Variants in ARAP3 observed in about 807,000 individuals in gnomAD.
ARAP3 encodes the protein ArfGAP with RhoGAP domain, ankyrin repeat and PH domain 3, also known as arf-GAP with Rho-GAP domain, ANK repeat and PH domain-containing protein 3.
Under a neutral mutation model 169.2 loss-of-function variants are expected in ARAP3, and 82 were observed. The ratio of observed to expected loss-of-function variants is 0.48; its 90% CI spans 0.41 to 0.58. The LOEUF is 0.58. ARAP3 is among the 20% of genes least tolerant of loss of function. ARAP3 has a pLI of 0.00. For missense variants in ARAP3, 1,764 were observed against 2,018.0 expected, an observed-to-expected ratio of 0.87 and a Z score of 2.41; for synonymous variants, 791 against 800.3, an observed-to-expected ratio of 0.99 and a Z score of 0.20.
At position 141,659,899 on chromosome 5, in the gene ARAP3, C is replaced by T. The variant is rs1032629065; in HGVS notation, c.3147G>A (p.Gln1049=). 4 of 1,577,294 alleles carry T rather than the reference C, an allele frequency of 2.5e-6. No individual in the cohort carries two copies. Among genetic ancestry groups the T allele is most frequent in the Non-Finnish European group, 2.6e-6 (3 of 1,161,060 alleles). ...GCAGAGCCAAGTTCCGCGTGCACAT[C>T]TGGTTTAGAGCCGCACATTTCTGCA... ...YRVQKCAALN[Q]MCTRNLALLF... Residue 1049 remains glutamine (Q), a synonymous_variant, in exon 22 of 33, where the codon CAG becomes CAA. Coordinates refer to ENST00000239440, the MANE Select transcript of ARAP3 (RefSeq NM_022481.6).
rs1312421306 is a variant in ARAP3 at position 141,673,117 on chromosome 5, C to G, written c.989G>C (p.Gly330Ala). 3.1e-6 allele frequency: 5 copies of G among 1,614,076 alleles called. No homozygotes were observed. The highest frequency in any genetic ancestry group is 1.7e-5 in the Admixed American group (1 of 60,002). Reference protein sequence around the residue: ...FGSDKDPFPKGVIPLTAIEMT... With the variant: ...FGSDKDPFPKAVIPLTAIEMT... ...CTCAATGGCAGTCAAAGGTATCACA[C>G]CCTTAGGGAAGGGGTCCTGGAGAGA... The change falls in exon 7 of 33, where the codon GGT becomes GCT. Residue 330 changes from glycine to alanine, a missense_variant. By Grantham distance (60) the Gly-to-Ala change is moderately conservative (BLOSUM62 0). Transcript: ENST00000239440.
intron 1 of ARAP3, among the ~76,000 whole-genome samples, chr5:141,681,041 T>A (rs1035269788): frequency 3.3e-5 from 5 of 152,150 alleles, no homozygotes; most frequent in Non-Finnish European, 4.4e-5. Flanking sequence ...TAATCCTGGT[T>A]GTTCCCAGTC....
chr5:141,656,948 G>T, intron 25 of ARAP3, 102 bp from the exon 26 acceptor site: 1 of 1,445,420 alleles, frequency 6.9e-7, no homozygotes. Flanking sequence ...TCCAACCACA[G>T]ACATTTATTT....
Position 141,679,638 on chromosome 5 carries a change from C to A in ARAP3, c.605G>T (p.Gly202Val). ...TTGTVHIMDP[G>V]CLYYGVQPVG... ...AGGTTGGACACCATAGTACAGGCAA[C>A]CAGGATCCATGATGTGCACTGGCAG... is the stretch of plus-strand genomic sequence containing the variant. The change falls in exon 4 of 33, where the codon GGT (glycine) becomes GTT (valine). Residue 202 changes from glycine (G) to valine (V), a missense_variant. Transcript: ENST00000239440. 1 of 1,614,084 alleles carries A rather than the reference C, an allele frequency of 6.2e-7. No individual in the cohort carries two copies. Among genetic ancestry groups the A allele is most frequent in the Non-Finnish European group, 8.5e-7 (1 of 1,180,024 alleles).
At chr5:141,655,225 T>TACACAC (rs148481472) in intron 32 of ARAP3, 137 bp downstream of exon 32, 45,554 of 488,072 alleles carry the variant, frequency 0.093, 2,193 homozygotes, top group African/African-American at 0.18. Context: ...CCTGATGGCC[T>TACACAC]ACACACACAC....
At chr5:141,668,483 T>G (rs1367727233) in intron 16 of ARAP3, among the ~76,000 whole-genome samples, 1 of 152,240 alleles carries the variant, frequency 6.6e-6, no homozygotes, top group Non-Finnish European at 1.5e-5. Context: ...TCAAGTTCTG[T>G]GCTTATCCTG....
rs376189862 is a variant in ARAP3 at position 141,680,631 on chromosome 5, C to T, written c.-17-128G>A. On this transcript the variant is annotated intron_variant, in intron 1 of 32. Coordinates refer to ENST00000239440, the MANE Select transcript of ARAP3 (RefSeq NM_022481.6). Reference sequence around the variant, plus strand: ...CCAAAGAAAGATGCTGAAAGGCCTGCGATCTGGAAGCAGAGCCATCCCAGA... The same window carrying T: ...CCAAAGAAAGATGCTGAAAGGCCTGTGATCTGGAAGCAGAGCCATCCCAGA... 49 of 1,373,664 alleles carry T rather than the reference C, an allele frequency of 3.6e-5. 1 individual carries two copies. Among genetic ancestry groups the T allele is most frequent in the East Asian group, 2.3e-4 (9 of 39,328 alleles). The allele number at this position is 1,373,664 out of a possible 1,614,324, so 85.1% of individuals were successfully genotyped here. A position where few individuals can be genotyped will look rare whatever the true frequency, so the allele number is the denominator to read the frequency against.
rs775915924 is a variant in ARAP3 at position 141,666,484 on chromosome 5, G to A, written c.2512C>T (p.Pro838Ser). Residue 838 changes from proline (P) to serine (S), a missense_variant, in exon 17 of 33, where the codon CCG (proline) becomes TCG (serine). Coordinates refer to ENST00000239440, the MANE Select transcript of ARAP3 (RefSeq NM_022481.6). Reference protein sequence around the residue: ...RGDHLFLCSAPGPGPPAPEDM... With the variant: ...RGDHLFLCSASGPGPPAPEDM... ...TCAGGGGCTGGGGGGCCTGGGCCCG[G>A]CGCTGAGCACAGGAAGAGGTGGTCA... 6.2e-7 allele frequency: 1 copy of A among 1,602,008 alleles called. No individual in the cohort carries two copies. The highest frequency in any genetic ancestry group is 1.1e-5 in the South Asian group (1 of 88,990).
rs1278547513 is a variant in ARAP3 at position 141,679,617 on chromosome 5, T to G, written c.626A>C (p.Gln209Pro). ...MDPGCLYYGV[Q>P]PVGTPGAPDR... is the part of the protein sequence containing the mutation. ...GGGGGCTCCTGGAGTCCCCACAGGT[T>G]GGACACCATAGTACAGGCAACCAGG... Residue 209 changes from glutamine (Q) to proline (P), a missense_variant, in exon 4 of 33, where the codon CAA becomes CCA. Physicochemically the swap from Gln to Pro is moderately conservative, Grantham distance 76. Coordinates refer to ENST00000239440, the MANE Select transcript of ARAP3 (RefSeq NM_022481.6). 1 of 1,614,014 alleles carries G rather than the reference T, an allele frequency of 6.2e-7. No homozygotes were observed. Among genetic ancestry groups the G allele is most frequent in the Non-Finnish European group, 8.5e-7 (1 of 1,180,022 alleles).
intron 4 of ARAP3, 86 bp downstream of exon 4, chr5:141,679,459 A>G: frequency 7.5e-7 from 1 of 1,324,846 alleles, no homozygotes; most frequent in South Asian, 1.3e-5. Context: ...GTGAATACTC[A>G]ATGCACATTT....
chr5:141,664,543 C>T (rs924524081), intron 19 of ARAP3, among the ~76,000 whole-genome samples: 1 of 152,212 alleles, frequency 6.6e-6, no homozygotes, highest in Non-Finnish European at 1.5e-5. Flanking sequence ...CTCGCAGCTG[C>T]TCGCTGTTTG....
At chr5:141,665,278 G>T in intron 18 of ARAP3, 33 bp downstream of exon 18, 1 of 1,611,864 alleles carries the variant, frequency 6.2e-7, no homozygotes, top group Non-Finnish European at 8.5e-7. Flanking sequence ...CTCCAGGAAG[G>T]GGAGCCCCAG....
intron 16 of ARAP3, among the ~76,000 whole-genome samples, chr5:141,669,011 G>A (rs1308851004): frequency 1.3e-5 from 2 of 152,172 alleles, no homozygotes; most frequent in East Asian, 3.8e-4. Flanking sequence ...AGAGACTGTC[G>A]TCATCATCGT....
intron 2 of ARAP3, 56 bp downstream of exon 2, chr5:141,679,907 A>G (rs2099912747): frequency 1.2e-6 from 2 of 1,611,988 alleles, no homozygotes; most frequent in Non-Finnish European, 1.7e-6. Flanking sequence ...CGTCCCCCTC[A>G]TGCTCTCCTC....
At position 141,672,776 on chromosome 5, in the gene ARAP3, T is replaced by C. The variant is rs2099911620; in HGVS notation, c.1243A>G (p.Ser415Gly). 6.4e-7 allele frequency: 1 copy of C among 1,560,400 alleles called. No individual in the cohort carries two copies. Among genetic ancestry groups the C allele is most frequent in the Non-Finnish European group, 8.7e-7 (1 of 1,148,264 alleles). Residue 415 changes from serine to glycine, a missense_variant, in exon 8 of 33, where the codon AGC becomes GGC. By Grantham distance (56) the Ser-to-Gly change is moderately conservative (BLOSUM62 0). Around this residue, in one of 3 missense-constraint regions of ARAP3, gnomAD observed 630 missense variants for 678.7 expected, o/e 0.93. Transcript: ENST00000239440. The surrounding 1 kb of genome is among the most constrained non-coding windows in gnomAD (Gnocchi z 4.9). ...TTGTACAGTGCCAGCTCTCCAGGGC[T>C]CAAGGCAGCAAACACCTTGGCCTTG... ...GHKAKVFAALSPGELALYKSE... is the reference protein window; with the variant it reads ...GHKAKVFAALGPGELALYKSE...
chr5:141,667,719 C>T (rs1258036608), intron 16 of ARAP3, among the ~76,000 whole-genome samples: 3 of 150,476 alleles, frequency 2.0e-5, no homozygotes, highest in Non-Finnish European at 4.4e-5. Context: ...TGAGCCACCA[C>T]GCCCGGCCAG....
In ARAP3 at chr5:141,673,720, G is replaced by T. The variant is rs1374823857; in HGVS notation, c.787C>A (p.Leu263Met). The change falls in exon 5 of 33, where the codon CTG becomes ATG. Residue 263 changes from leucine to methionine, a missense_variant. By Grantham distance (15) the Leu-to-Met change is conservative. Coordinates refer to ENST00000239440, the MANE Select transcript of ARAP3 (RefSeq NM_022481.6). The stretch of plus-strand genomic sequence containing the variant: ...TCATCACTGGTCTCCTCTGTTTCCA[G>T]GGTGGGCGATAAGAGGGTGGAGTCT... ...PGDSTLLSPT[L>M]ETEETSDDLI... 1 of 1,614,122 alleles carries T rather than the reference G, an allele frequency of 6.2e-7. No individual in the cohort carries two copies. Among genetic ancestry groups the T allele is most frequent in the African/African-American group, 1.3e-5 (1 of 74,940 alleles).
At chr5:141,654,962 C>T (rs1432291721) in intron 32 of ARAP3, among the ~76,000 whole-genome samples, 4 of 152,086 alleles carry the variant, frequency 2.6e-5, no homozygotes, top group East Asian at 1.9e-4. Context: ...TGGTCTTGAA[C>T]TCCTGACCTC....
intron 32 of ARAP3, among the ~76,000 whole-genome samples, 180 bp downstream of exon 32, chr5:141,655,182 T>TACACACACACACAC (rs3075597): frequency 0.037 from 3,491 of 95,476 alleles, 307 homozygotes; most frequent in Non-Finnish European, 0.044. Context: ...CCTGATGGCC[T>TACACACACACACAC]ACACACACAC....
Sources: allele counts gnomAD v4.1 joint callset (sites outside exome capture counted in the v4.1 genomes callset), GRCh38; gene constraint gnomAD v4.1.1; regional missense constraint gnomAD v4.1.1; non-coding constraint Gnocchi (gnomAD v3.1); transcripts MANE v1.5; gene names NCBI Gene and HGNC (gene_info 2026-07-23, HGNC 2026-07-21).